The following ARHGAP35 variants were observed in gnomAD, a reference collection of about 807,000 sequenced individuals.
ARHGAP35 encodes the protein rho GTPase-activating protein 35.
In ARHGAP35, 15 loss-of-function variants were observed where a neutral mutation model predicts 111.1. The observed-to-expected ratio is 0.13, with a 90% confidence interval of 0.09 to 0.21. The LOEUF (loss-of-function observed/expected upper bound fraction) is 0.21. Ranked by LOEUF, ARHGAP35 falls within the 10% of genes least tolerant of loss-of-function variation. The pLI is 1.00. For synonymous variants in ARHGAP35, 643 were observed against 710.3 expected (o/e 0.91, Z 1.51); for missense variants, 1,262 against 1,873.0 (o/e 0.67, Z 6.02).
In ARHGAP35 at chr19:46,922,893, A is replaced by G. The variant is rs1310239382; in HGVS notation, c.3681+537A>G. 6.6e-6 allele frequency among the ~76,000 whole-genome samples: 1 copy of G among 152,194 alleles called. No homozygotes were observed. Among genetic ancestry groups the G allele is most frequent in the Non-Finnish European group, 1.5e-5 (1 of 68,030 alleles). ...GAAAAAAGAGAATCTTGCCACTGAGAGTTATAAACCTGTCCCGTATTTGTT... is the reference window on the plus strand; with the variant it reads ...GAAAAAAGAGAATCTTGCCACTGAGGGTTATAAACCTGTCCCGTATTTGTT... On this transcript the variant is annotated intron_variant, in intron 2 of 6. Transcript: ENST00000672722. This position sits in a 1 kb window ranked among gnomAD's most constrained non-coding sequence, Gnocchi z 4.0.
At position 46,919,315 on chromosome 19, in the gene ARHGAP35, C is replaced by A; in HGVS notation, c.640C>A (p.His214Asn). ...EGVERYIRDA[H>N]TFALSKKNLQ... The stretch of plus-strand genomic sequence containing the variant: ...TGTTGAGCGGTACATTAGAGATGCA[C>A]ATACTTTTGCCTTAAGCAAAAAGAA... Residue 214 changes from histidine to asparagine, a missense_variant, in exon 2 of 7, where the codon CAT (histidine) becomes AAT (asparagine). Around this residue, in one of 8 missense-constraint regions of ARHGAP35, gnomAD observed 125 missense variants for 301.7 expected, o/e 0.41. Transcript: ENST00000672722. This position sits in a 1 kb window ranked among gnomAD's most constrained non-coding sequence, Gnocchi z 6.2. 1.2e-6 allele frequency: 2 copies of A among 1,614,004 alleles called. No homozygotes were observed. Among genetic ancestry groups the A allele is most frequent in the Non-Finnish European group, 1.7e-6 (2 of 1,179,896 alleles).
In ARHGAP35 at chr19:46,989,657, G is replaced by A. The variant is rs757603287; in HGVS notation, c.4018G>A (p.Asp1340Asn). ...CCTGGTCCCGTATAACATGCAGATC[G>A]ACTTGGTGGAAGCACACAGTGAGTA... ...DPLVPYNMQI[D>N]LVEAHKINDR... is the part of the protein sequence containing the mutation. Residue 1340 changes from aspartate (D) to asparagine (N), a missense_variant, in exon 5 of 7, where the codon GAC becomes AAC. Asp to Asn is a conservative substitution (Grantham distance 23). This residue lies in a region of ARHGAP35 where 50 missense variants were observed against 60.5 expected (regional missense o/e 0.83). Transcript: ENST00000672722. This position sits in a 1 kb window ranked among gnomAD's most constrained non-coding sequence, Gnocchi z 5.3. 6.8e-6 allele frequency: 11 copies of A among 1,613,778 alleles called. No individual in the cohort carries two copies. The highest frequency in any genetic ancestry group is 2.2e-5 in the East Asian group (1 of 44,882).
At position 46,918,809 on chromosome 19, in the gene ARHGAP35, C is replaced by T; in HGVS notation, c.134C>T (p.Pro45Leu). 1.2e-6 allele frequency: 2 copies of T among 1,613,956 alleles called. No homozygotes were observed. Among genetic ancestry groups the T allele is most frequent in the Non-Finnish European group, 8.5e-7 (1 of 1,179,878 alleles). ...TGTTTGTGCAACCGCTTCGTGCGCC[C>T]GAGTGCTGACGAGTTTCACTTGGAC... The part of the protein sequence containing the change: ...KSCLCNRFVR[P>L]SADEFHLDHT... Residue 45 changes from proline (P) to leucine (L), a missense_variant, in exon 2 of 7, where the codon CCG (proline) becomes CTG (leucine). Transcript: ENST00000672722. The surrounding 1 kb of genome is among the most constrained non-coding windows in gnomAD (Gnocchi z 5.4).
chr19:46,921,900 C>A lies in ARHGAP35; in HGVS notation c.3225C>A (p.Pro1075=), dbSNP rs1399933688. ...AGAGGAAGTCTGTGTCTTCTAGCCC[C>A]TGGCTGCCTCAGGATGGGTTTGATC... ...DGQRKSVSSS[P]WLPQDGFDPS... The change falls in exon 2 of 7, where the codon CCC becomes CCA. Residue 1075 remains proline (P), a synonymous_variant. Transcript: ENST00000672722. The surrounding 1 kb of genome is among the most constrained non-coding windows in gnomAD (Gnocchi z 4.3). 1 of 1,613,974 alleles carries A rather than the reference C, an allele frequency of 6.2e-7. No individual in the cohort carries two copies. Among genetic ancestry groups the A allele is most frequent in the Non-Finnish European group, 8.5e-7 (1 of 1,179,874 alleles).
intron 1 of ARHGAP35, among the ~76,000 whole-genome samples, chr19:46,887,945 TA>T (rs1178112185): frequency 6.6e-6 from 1 of 150,984 alleles, no homozygotes; most frequent in Non-Finnish European, 1.5e-5. Context: ...TGGTACTTAG[TA>T]CTTTGCCTTT....
At chr19:46,885,698 G>A (rs1413193872) in intron 1 of ARHGAP35, among the ~76,000 whole-genome samples, 2 of 152,148 alleles carry the variant, frequency 1.3e-5, no homozygotes, top group African/African-American at 2.4e-5. Flanking sequence ...ACTTGTTAAA[G>A]ATTTCCAGAA....
intron 1 of ARHGAP35, among the ~76,000 whole-genome samples, chr19:46,880,682 T>TA (rs1268959076): frequency 6.6e-6 from 1 of 151,990 alleles, no homozygotes; most frequent in Admixed American, 6.6e-5. Flanking sequence ...TATTTTATTT[T>TA]TATTTTTTTT....
At chr19:46,976,560 G>T (rs890217951) in intron 3 of ARHGAP35, among the ~76,000 whole-genome samples, 1 of 152,370 alleles carries the variant, frequency 6.6e-6, no homozygotes. Flanking sequence ...GCCCCGAGAC[G>T]GTTCCAGCCG....
intron 1 of ARHGAP35, among the ~76,000 whole-genome samples, chr19:46,896,126 C>A (rs1305937799): frequency 6.6e-6 from 1 of 151,836 alleles, no homozygotes; most frequent in East Asian, 1.9e-4. Flanking sequence ...TAAGGAAGCC[C>A]AGCACAGTGG....
chr19:46,905,251 G>C (rs311374), intron 1 of ARHGAP35, among the ~76,000 whole-genome samples: 79,100 of 152,080 alleles, frequency 0.52, 21,193 homozygotes, highest in Middle Eastern at 0.7. Context: ...CTGTAGGTTG[G>C]GCGTGGTGGC....
At chr19:46,885,964 T>G (rs1031050226) in intron 1 of ARHGAP35, among the ~76,000 whole-genome samples, 5 of 152,114 alleles carry the variant, frequency 3.3e-5, no homozygotes, top group Middle Eastern at 3.2e-3. Flanking sequence ...ATTTTTAAAT[T>G]TTAGGGTATT....
In ARHGAP35 at chr19:46,922,003, G is replaced by A; in HGVS notation, c.3328G>A (p.Asp1110Asn). The A allele has an allele frequency of 6.2e-7, 1 of 1,613,968 alleles. No homozygotes were observed. The highest frequency in any genetic ancestry group is 8.5e-7 in the Non-Finnish European group (1 of 1,179,896). The change falls in exon 2 of 7, where the codon GAC (aspartate) becomes AAC (asparagine). Residue 1110 changes from aspartate (D) to asparagine (N), a missense_variant. By Grantham distance (23) the Asp-to-Asn change is conservative. Around this residue, in one of 8 missense-constraint regions of ARHGAP35, gnomAD observed 579 missense variants for 716.9 expected, o/e 0.81. Coordinates refer to ENST00000672722, the MANE Select transcript of ARHGAP35 (RefSeq NM_004491.5). The surrounding 1 kb of genome is among the most constrained non-coding windows in gnomAD (Gnocchi z 4.0). ...EEENIYSVPHDSTQGKIITIR... is the reference protein window; with the variant it reads ...EEENIYSVPHNSTQGKIITIR... ...AGAAAACATATACTCCGTGCCCCAT[G>A]ACAGCACCCAAGGCAAAATCATCAC... is the stretch of plus-strand genomic sequence containing the variant.
chr19:46,899,202 A>T (rs563043098), intron 1 of ARHGAP35, among the ~76,000 whole-genome samples: 1 of 152,176 alleles, frequency 6.6e-6, no homozygotes, highest in Non-Finnish European at 1.5e-5. Context: ...TAACATTCAG[A>T]GAGGTGGAGA....
chr19:46,967,852 C>T (rs777365979), intron 3 of ARHGAP35, among the ~76,000 whole-genome samples: 1 of 151,470 alleles, frequency 6.6e-6, no homozygotes, highest in Non-Finnish European at 1.5e-5. Context: ...GAGTCCTTCT[C>T]TGATCTGCTC....
chr19:46,933,311 T>C (rs1305832528), intron 2 of ARHGAP35, among the ~76,000 whole-genome samples: 2 of 151,758 alleles, frequency 1.3e-5, no homozygotes, highest in Non-Finnish European at 2.9e-5. Flanking sequence ...ACCCAGATAA[T>C]TTTTTTGTAA....
At chr19:46,872,233 T>C (rs930073194) in intron 1 of ARHGAP35, among the ~76,000 whole-genome samples, 2 of 152,138 alleles carry the variant, frequency 1.3e-5, no homozygotes, top group African/African-American at 4.8e-5. Flanking sequence ...AAAAATAGGA[T>C]ATAGAACTAT....
In ARHGAP35 at chr19:46,998,924, G is replaced by A. The variant is rs146659231; in HGVS notation, c.4037-380G>A. ...CGTGGGTGGGTGGCAGCGGCCGCCCGTCTCCATCTGGTCAGGAAGCAAGCA... is the reference window on the plus strand; with the variant it reads ...CGTGGGTGGGTGGCAGCGGCCGCCCATCTCCATCTGGTCAGGAAGCAAGCA... On this transcript the variant is annotated intron_variant, in intron 5 of 6. Coordinates refer to ENST00000672722, the MANE Select transcript of ARHGAP35 (RefSeq NM_004491.5). 2.1e-3 allele frequency among the ~76,000 whole-genome samples: 313 copies of A among 152,374 alleles called. 1 individual carries two copies. Among genetic ancestry groups the A allele is most frequent in the African/African-American group, 7.4e-3 (309 of 41,598 alleles).
At chr19:46,972,575 C>A (rs2056556872) in intron 3 of ARHGAP35, among the ~76,000 whole-genome samples, 1 of 152,204 alleles carries the variant, frequency 6.6e-6, no homozygotes, top group Non-Finnish European at 1.5e-5. Flanking sequence ...AGATGTGGCC[C>A]TGAGCGAGTT....
At chr19:46,948,871 T>TA (rs1249966789) in intron 3 of ARHGAP35, 1 of 152,184 alleles carries the variant, frequency 6.6e-6, no homozygotes, top group Admixed American at 6.5e-5. Context: ...ATTTCAAAAT[T>TA]ATCGGGCCAG....
Sources: allele counts gnomAD v4.1 joint callset (sites outside exome capture counted in the v4.1 genomes callset), GRCh38; gene constraint gnomAD v4.1.1; regional missense constraint gnomAD v4.1.1; non-coding constraint Gnocchi (gnomAD v3.1); transcripts MANE v1.5; gene names NCBI Gene and HGNC (gene_info 2026-07-23, HGNC 2026-07-21).